The following SLC25A4 variants were observed in gnomAD, a reference collection of about 807,000 sequenced individuals.
SLC25A4 encodes the protein ADP/ATP translocase 1.
Under a neutral mutation model 24.7 loss-of-function variants are expected in SLC25A4, and 10 were observed. That is an observed-to-expected ratio of 0.41 (90% CI 0.25 to 0.69). The LOEUF (loss-of-function observed/expected upper bound fraction) is 0.69, where lower values mean the gene tolerates loss of function less well. SLC25A4 is among the 30% of genes least tolerant of loss of function. The probability of loss-of-function intolerance (pLI) is 0.35; values close to 1 mark genes in which losing one functional copy is unlikely to be tolerated. For synonymous variants in SLC25A4, 125 were observed against 153.3 expected, an observed-to-expected ratio of 0.82 and a Z score of 1.36; for missense variants, 273 against 387.6, an observed-to-expected ratio of 0.70 and a Z score of 2.48.
Position 185,143,336 on chromosome 4 carries a change from C to A in SLC25A4, c.-37C>A. The A allele has an allele frequency of 1.5e-6, 2 of 1,299,972 alleles. No homozygotes were observed. Among genetic ancestry groups the A allele is most frequent in the Non-Finnish European group, 2.1e-6 (2 of 932,246 alleles). The allele number at this position is 1,299,972 out of a possible 1,614,324, so 80.5% of individuals were successfully genotyped here. On this transcript the variant is annotated 5_prime_UTR_variant, in exon 1 of 4. Transcript: ENST00000281456. ...GGCCGGGCGTGGGCGAGAGCACGAACGGGCTGCCTGCGGGCTGAGAGCGTC... is the reference window on the plus strand; with the variant it reads ...GGCCGGGCGTGGGCGAGAGCACGAAAGGGCTGCCTGCGGGCTGAGAGCGTC...
In SLC25A4 at chr4:185,143,358, C is replaced by A. The variant is rs752939660; in HGVS notation, c.-15C>A. ...GAACGGGCTGCCTGCGGGCTGAGAG[C>A]GTCGAGCTGTCACCATGGGTGATCA... On this transcript the variant is annotated 5_prime_UTR_variant, in exon 1 of 4. Transcript: ENST00000281456. The A allele has an allele frequency of 2.9e-5, 42 of 1,464,196 alleles. No homozygotes were observed. Among genetic ancestry groups the A allele is most frequent in the Non-Finnish European group, 3.5e-5 (38 of 1,075,692 alleles). The allele number at this position is 1,464,196 out of a possible 1,614,324, so 90.7% of individuals were successfully genotyped here. A position where few individuals can be genotyped will look rare whatever the true frequency, so the allele number is the denominator to read the frequency against.
rs2111286238 is a variant in SLC25A4 at position 185,145,411 on chromosome 4, G to A, written c.598+161G>A. 2 of 1,081,320 alleles carry A rather than the reference G, an allele frequency of 1.8e-6. No homozygotes were observed. The highest frequency in any genetic ancestry group is 1.5e-5 in the South Asian group (1 of 67,670). The allele number at this position is 1,081,320 out of a possible 1,614,324, so 67.0% of individuals were successfully genotyped here. A position where few individuals can be genotyped will look rare whatever the true frequency, so the allele number is the denominator to read the frequency against. ...AGGTGATGTGCATAAGTTAATAGCT[G>A]AAGCGTTCCTTGTGTCCTCTACTGA... On this transcript the variant is annotated intron_variant, in intron 2 of 3. Coordinates refer to ENST00000281456, the MANE Select transcript of SLC25A4 (RefSeq NM_001151.4). This position sits in a 1 kb window ranked among gnomAD's most constrained non-coding sequence, Gnocchi z 5.5.
At chr4:185,143,846 A>G (rs538556077) in intron 1 of SLC25A4, among the ~76,000 whole-genome samples, 3 of 152,252 alleles carry the variant, frequency 2.0e-5, no homozygotes, top group Admixed American at 1.3e-4. Context: ...TCTTATGCGC[A>G]CGCACCTTTA....
At position 185,149,909 on chromosome 4, in the gene SLC25A4, A is replaced by G. The variant is rs1043737922; in HGVS notation, c.*2938A>G. 6.6e-6 allele frequency: 1 copy of G among 152,270 alleles called. No homozygotes were observed. The highest frequency in any genetic ancestry group is 2.4e-5 in the African/African-American group (1 of 41,472). The allele number at this position is 152,270 out of a possible 1,614,324, so 9.4% of individuals were successfully genotyped here. On this transcript the variant is annotated 3_prime_UTR_variant, in exon 4 of 4. Transcript: ENST00000281456. Reference sequence around the variant, plus strand: ...AGGATGATGCAAGATGAGTGAGTCCATAATGGTAATAATTGGACACTAAAA... The same window carrying G: ...AGGATGATGCAAGATGAGTGAGTCCGTAATGGTAATAATTGGACACTAAAA...
In SLC25A4 at chr4:185,145,249, G is replaced by T. The variant is rs763904371; in HGVS notation, c.597G>T (p.Lys199Asn). 6.2e-7 allele frequency: 1 copy of T among 1,614,008 alleles called. No individual in the cohort carries two copies. Among genetic ancestry groups the T allele is most frequent in the East Asian group, 2.2e-5 (1 of 44,880 alleles). ...ACTTCGGAGTCTATGATACTGCCAA[G>T]GGTGAGAGAGGGGCATCGGGGAGAA... ...AAYFGVYDTAKGMLPDPKNVH... is the reference protein window; with the variant it reads ...AAYFGVYDTANGMLPDPKNVH... The change falls in exon 2 of 4, where the codon AAG becomes AAT. Residue 199 changes from lysine to asparagine, a missense_variant and splice_region_variant. Lys to Asn is a moderately conservative substitution (Grantham distance 94). Coordinates refer to ENST00000281456, the MANE Select transcript of SLC25A4 (RefSeq NM_001151.4). The surrounding 1 kb of genome is among the most constrained non-coding windows in gnomAD (Gnocchi z 5.5).
chr4:185,149,643 G>C lies in SLC25A4; in HGVS notation c.*2672G>C, dbSNP rs529161085. The C allele has an allele frequency of 6.6e-6, 1 of 152,234 alleles. No individual in the cohort carries two copies. The highest frequency in any genetic ancestry group is 1.9e-4 in the East Asian group (1 of 5,160). 9.4% of individuals were successfully genotyped at this position (152,234 alleles called of 1,614,324 possible). On this transcript the variant is annotated 3_prime_UTR_variant, in exon 4 of 4. Coordinates refer to ENST00000281456, the MANE Select transcript of SLC25A4 (RefSeq NM_001151.4). Reference sequence around the variant, plus strand: ...GTGCAAAGCTGCCTCATGCTGGAAGGTCTGGTTTACGTAAAAGTGACAAGT... The same window carrying C: ...GTGCAAAGCTGCCTCATGCTGGAAGCTCTGGTTTACGTAAAAGTGACAAGT...
rs752640906 is a variant in SLC25A4 at position 185,145,099 on chromosome 4, C to T, written c.447C>T (p.Ala149=). 6.2e-7 allele frequency: 1 copy of T among 1,613,134 alleles called. No homozygotes were observed. The highest frequency in any genetic ancestry group is 1.1e-5 in the South Asian group (1 of 91,048). ...TRLAADVGKG[A]AQREFHGLGD... is the part of the protein sequence containing the mutation. ...TGGCTGCTGATGTGGGCAAGGGCGCCGCCCAGCGTGAGTTCCATGGTCTGG... is the reference window on the plus strand; with the variant it reads ...TGGCTGCTGATGTGGGCAAGGGCGCTGCCCAGCGTGAGTTCCATGGTCTGG... Residue 149 remains alanine, a synonymous_variant, in exon 2 of 4, where the codon GCC becomes GCT. Transcript: ENST00000281456. This position sits in a 1 kb window ranked among gnomAD's most constrained non-coding sequence, Gnocchi z 5.5.
chr4:185,147,969 A>G lies in SLC25A4; in HGVS notation c.*998A>G, dbSNP rs1734471654. On this transcript the variant is annotated 3_prime_UTR_variant, in exon 4 of 4. Transcript: ENST00000281456. ...CACATCCATCCTAAGCGACAGGGCA[A>G]GACTCTGTCTCAAAAAAAAAAAAAA... 6.6e-6 allele frequency: 1 copy of G among 151,786 alleles called. No homozygotes were observed. The highest frequency in any genetic ancestry group is 6.6e-5 in the Admixed American group (1 of 15,232). The allele number at this position is 151,786 out of a possible 1,614,324, so 9.4% of individuals were successfully genotyped here.
Position 185,143,274 on chromosome 4 carries a change from A to T in SLC25A4, c.-99A>T. ...GCTGCGGGCCAGGCGGCGGCCCCCT[A>T]GCGTCGCGCAGGGTCGGGGACTGCG... On this transcript the variant is annotated 5_prime_UTR_variant, in exon 1 of 4. Coordinates refer to ENST00000281456, the MANE Select transcript of SLC25A4 (RefSeq NM_001151.4). 1 of 628,162 alleles carries T rather than the reference A, an allele frequency of 1.6e-6. No homozygotes were observed. Among genetic ancestry groups the T allele is most frequent in the Non-Finnish European group, 2.8e-6 (1 of 353,358 alleles). 38.9% of individuals were successfully genotyped at this position (628,162 alleles called of 1,614,324 possible).
At chr4:185,144,741 T>C (rs560216148) in intron 1 of SLC25A4, 23 bp from the exon 2 acceptor site, 1 of 1,613,046 alleles carries the variant, frequency 6.2e-7, no homozygotes, top group South Asian at 1.1e-5. Flanking sequence ...CTGTCCTCTG[T>C]CACCCACCCT....
Position 185,144,821 on chromosome 4 carries a change from T to G in SLC25A4, c.169T>G (p.Cys57Gly). 1.2e-6 allele frequency: 2 copies of G among 1,614,146 alleles called. No individual in the cohort carries two copies. The highest frequency in any genetic ancestry group is 1.7e-6 in the Non-Finnish European group (2 of 1,180,032). ...GAAGCAGTACAAAGGGATCATTGAT[T>G]GTGTGGTGAGAATCCCTAAGGAGCA... Reference protein sequence around the residue: ...AEKQYKGIIDCVVRIPKEQGF... With the variant: ...AEKQYKGIIDGVVRIPKEQGF... The change falls in exon 2 of 4, where the codon TGT (cysteine) becomes GGT (glycine). Residue 57 changes from cysteine (C) to glycine (G), a missense_variant. Coordinates refer to ENST00000281456, the MANE Select transcript of SLC25A4 (RefSeq NM_001151.4).
chr4:185,145,258 A>T lies in SLC25A4; in HGVS notation c.598+8A>T. The T allele has an allele frequency of 3.1e-6, 5 of 1,613,946 alleles. No homozygotes were observed. The highest frequency in any genetic ancestry group is 4.2e-6 in the Non-Finnish European group (5 of 1,180,020). ...TCTATGATACTGCCAAGGGTGAGAG[A>T]GGGGCATCGGGGAGAAGGAGGGTGG... On this transcript the variant is annotated splice_region_variant and intron_variant, in intron 2 of 3. Transcript: ENST00000281456. The surrounding 1 kb of genome is among the most constrained non-coding windows in gnomAD (Gnocchi z 5.5).
In SLC25A4 at chr4:185,147,186, T is replaced by C. The variant is rs1734457045; in HGVS notation, c.*215T>C. The C allele has an allele frequency of 1.9e-6, 1 of 524,920 alleles. No individual in the cohort carries two copies. The highest frequency in any genetic ancestry group is 3.4e-6 in the Non-Finnish European group (1 of 295,404). 32.5% of individuals were successfully genotyped at this position (524,920 alleles called of 1,614,324 possible). A position where few individuals can be genotyped will look rare whatever the true frequency, so the allele number is the denominator to read the frequency against. ...TTTACATTTAAATTCCCACAGCAAA[T>C]AGAAAATAATTTATCATACTTGTAC... On this transcript the variant is annotated 3_prime_UTR_variant, in exon 4 of 4. Transcript: ENST00000281456.
rs1418399937 is a variant in SLC25A4 at position 185,149,208 on chromosome 4, A to G, written c.*2237A>G. The stretch of plus-strand genomic sequence containing the variant: ...ATAGGGAATAAAAGCAGGGCAGGCT[A>G]GTAGTGGGCAAGTGCTTTGATGGAG... On this transcript the variant is annotated 3_prime_UTR_variant, in exon 4 of 4. Transcript: ENST00000281456. 1 of 152,198 alleles carries G rather than the reference A, an allele frequency of 6.6e-6. No individual in the cohort carries two copies. Among genetic ancestry groups the G allele is most frequent in the Non-Finnish European group, 1.5e-5 (1 of 68,058 alleles). 9.4% of individuals were successfully genotyped at this position (152,198 alleles called of 1,614,324 possible).
At chr4:185,144,662 T>TA in intron 1 of SLC25A4, 102 bp from the exon 2 acceptor site, 2 of 1,087,976 alleles carry the variant, frequency 1.8e-6, no homozygotes, top group Non-Finnish European at 2.7e-6. Context: ...CTTTTTTTCT[T>TA]CAAAAAAAAA....
rs564927574 is a variant in SLC25A4, at chr4:185,150,277, T to C, written c.*3306T>C. 2 of 152,358 alleles carry C rather than the reference T, an allele frequency of 1.3e-5. No individual in the cohort carries two copies. The highest frequency in any genetic ancestry group is 3.9e-4 in the East Asian group (2 of 5,188). The allele number at this position is 152,358 out of a possible 1,614,324, so 9.4% of individuals were successfully genotyped here. A position where few individuals can be genotyped will look rare whatever the true frequency, so the allele number is the denominator to read the frequency against. On this transcript the variant is annotated 3_prime_UTR_variant, in exon 4 of 4. Coordinates refer to ENST00000281456, the MANE Select transcript of SLC25A4 (RefSeq NM_001151.4). ...GAAATCTTGAACGTGCAAAGCACCA[T>C]GGGGGTGGCTGGACAGGCTTGTTGG...
rs950795701 is a variant in SLC25A4, at chr4:185,148,939, C to T, written c.*1968C>T. 2 of 152,282 alleles carry T rather than the reference C, an allele frequency of 1.3e-5. No homozygotes were observed. Among genetic ancestry groups the T allele is most frequent in the African/African-American group, 4.8e-5 (2 of 41,436 alleles). 9.4% of individuals were successfully genotyped at this position (152,282 alleles called of 1,614,324 possible). On this transcript the variant is annotated 3_prime_UTR_variant, in exon 4 of 4. Transcript: ENST00000281456. Reference sequence around the variant, plus strand: ...CCTTCCACCGACTCACTCCTGCCTCCCCAGCTAAAAATTGGCTGTGTTGCT... The same window carrying T: ...CCTTCCACCGACTCACTCCTGCCTCTCCAGCTAAAAATTGGCTGTGTTGCT...
At position 185,147,293 on chromosome 4, in the gene SLC25A4, CTTA is replaced by C. The variant is rs139462979; in HGVS notation, c.*326_*328del. 3,388 of 259,992 alleles carry C rather than the reference CTTA, an allele frequency of 0.013. 100 individuals carry two copies. The highest frequency in any genetic ancestry group is 0.066 in the African/African-American group (2,948 of 44,948). 16.1% of individuals were successfully genotyped at this position (259,992 alleles called of 1,614,324 possible). On this transcript the variant is annotated 3_prime_UTR_variant, in exon 4 of 4. Transcript: ENST00000281456. ...TGCACGCTTTCTATTTTATTGAACT[CTTA>C]TTAACTGTAAAATGCATTTTTAAAA...
rs1734413427 is a variant in SLC25A4, at chr4:185,145,037, T to G, written c.385T>G (p.Cys129Gly). 1 of 1,614,038 alleles carries G rather than the reference T, an allele frequency of 6.2e-7. No individual in the cohort carries two copies. The highest frequency in any genetic ancestry group is 1.3e-5 in the African/African-American group (1 of 74,928). The change falls in exon 2 of 4, where the codon TGC becomes GGC. Residue 129 changes from cysteine to glycine, a missense_variant. Cys to Gly is a radical substitution (Grantham distance 159). Transcript: ENST00000281456. The surrounding 1 kb of genome is among the most constrained non-coding windows in gnomAD (Gnocchi z 5.5). ...TGGGGCCGCTGGGGCCACCTCCCTT[T>G]GCTTTGTCTACCCGCTGGACTTTGC... ...SGGAAGATSL[C>G]FVYPLDFART...
Sources: allele counts gnomAD v4.1 joint callset (sites outside exome capture counted in the v4.1 genomes callset), GRCh38; gene constraint gnomAD v4.1.1; non-coding constraint Gnocchi (gnomAD v3.1); transcripts MANE v1.5; gene names NCBI Gene and HGNC (gene_info 2026-07-23, HGNC 2026-07-21).